KCNQ5: variants seen among roughly 807,000 people sequenced by gnomAD.
KCNQ5 encodes potassium voltage-gated channel subfamily Q member 5.
Under a neutral mutation model 98.2 loss-of-function variants are expected in KCNQ5, and 30 were observed. That is an observed-to-expected ratio of 0.31 (90% CI 0.23 to 0.41). KCNQ5 has a LOEUF of 0.41. KCNQ5 is among the 10% of genes least tolerant of loss of function. The pLI is 1.00. For missense variants in KCNQ5, 835 were observed against 1,182.5 expected (o/e 0.71, Z 4.31); for synonymous variants, 458 against 449.4 (o/e 1.02, Z -0.24).
At chr6:72,852,328 A>T (rs1777295659) in intron 1 of KCNQ5, among the ~76,000 whole-genome samples, 1 of 152,006 alleles carries the variant, frequency 6.6e-6, no homozygotes, top group Non-Finnish European at 1.5e-5. Context: ...TTGCAGCATT[A>T]TTCACAGTAG....
intron 1 of KCNQ5, among the ~76,000 whole-genome samples, chr6:72,831,198 A>G (rs1423319151): frequency 6.6e-6 from 1 of 152,208 alleles, no homozygotes; most frequent in Admixed American, 6.5e-5. Flanking sequence ...ACAACTAGAA[A>G]TACCATTTCA....
intron 6 of KCNQ5, 110 bp from the exon 7 acceptor site, chr6:73,111,198 G>A (rs1161547433): frequency 4.1e-6 from 3 of 729,778 alleles, no homozygotes; most frequent in Admixed American, 4.9e-5. Flanking sequence ...TTATGGACAG[G>A]TTACATACCG....
chr6:72,836,099 G>T (rs576696651), intron 1 of KCNQ5, among the ~76,000 whole-genome samples: 1 of 152,072 alleles, frequency 6.6e-6, no homozygotes, highest in Non-Finnish European at 1.5e-5. Context: ...TGTTATTTTT[G>T]TTTGTTATTT....
At chr6:72,737,436 G>T (rs1770906283) in intron 1 of KCNQ5, among the ~76,000 whole-genome samples, 1 of 152,130 alleles carries the variant, frequency 6.6e-6, no homozygotes, top group Non-Finnish European at 1.5e-5. Context: ...AAAGGATAAA[G>T]GTGTGTGACT....
intron 11 of KCNQ5, among the ~76,000 whole-genome samples, chr6:73,177,048 G>T (rs1207712237): frequency 6.6e-6 from 1 of 152,220 alleles, no homozygotes; most frequent in Non-Finnish European, 1.5e-5. Context: ...AAAACCAGGA[G>T]AGCGTGACAG....
intron 1 of KCNQ5, among the ~76,000 whole-genome samples, chr6:72,999,167 T>C (rs1402227943): frequency 1.3e-5 from 2 of 152,236 alleles, no homozygotes; most frequent in Non-Finnish European, 2.9e-5. Flanking sequence ...TTATCTGTTA[T>C]ACAAGCACCC....
chr6:72,676,142 T>A (rs1022512398), intron 1 of KCNQ5, among the ~76,000 whole-genome samples: 1 of 152,196 alleles, frequency 6.6e-6, no homozygotes, highest in Non-Finnish European at 1.5e-5. Context: ...TGACTTGATC[T>A]ACTGCACATC....
intron 9 of KCNQ5, chr6:73,125,268 A>T: frequency 3.0e-6 from 1 of 331,660 alleles, no homozygotes; most frequent in South Asian, 2.5e-5. Context: ...CAGAGAATTA[A>T]ACCTAGAGGG....
At chr6:73,038,110 T>G (rs1350070880) in intron 2 of KCNQ5, among the ~76,000 whole-genome samples, 1 of 152,060 alleles carries the variant, frequency 6.6e-6, no homozygotes, top group Non-Finnish European at 1.5e-5. Flanking sequence ...AAGTGGATAT[T>G]TAAGTTATTT....
intron 1 of KCNQ5, among the ~76,000 whole-genome samples, chr6:72,797,971 A>C (rs74661065): frequency 2.4e-3 from 370 of 152,292 alleles, no homozygotes; most frequent in African/African-American, 8.7e-3. Context: ...AGGAAAAACA[A>C]ATAAATGTGA....
At chr6:72,882,312 A>C (rs765142612) in intron 1 of KCNQ5, among the ~76,000 whole-genome samples, 1 of 152,152 alleles carries the variant, frequency 6.6e-6, no homozygotes, top group Non-Finnish European at 1.5e-5. Context: ...CTGCTGTACA[A>C]AGAGAGCATC....
chr6:72,915,446 AT>A (rs1225766879), intron 1 of KCNQ5, among the ~76,000 whole-genome samples: 1 of 152,200 alleles, frequency 6.6e-6, no homozygotes, highest in African/African-American at 2.4e-5. Flanking sequence ...TAAAAAAAAA[AT>A]CACAACAAAG....
intron 1 of KCNQ5, among the ~76,000 whole-genome samples, chr6:72,683,779 G>A (rs6940358): frequency 0.013 from 1,925 of 151,340 alleles, 44 homozygotes; most frequent in African/African-American, 0.044. Context: ...AATGCCATTT[G>A]TGTAACTGCT....
chr6:72,645,332 A>G (rs1653144832), intron 1 of KCNQ5, among the ~76,000 whole-genome samples: 1 of 151,416 alleles, frequency 6.6e-6, no homozygotes, highest in Non-Finnish European at 1.5e-5. Flanking sequence ...GCTGCAGTGA[A>G]CAATGATGAT....
intron 1 of KCNQ5, chr6:72,987,247 C>A (rs1323197712): frequency 2.9e-6 from 2 of 690,406 alleles, no homozygotes; most frequent in Non-Finnish European, 5.6e-6. Flanking sequence ...AGTGGGGCAG[C>A]AAGAGACCCT....
intron 1 of KCNQ5, among the ~76,000 whole-genome samples, chr6:72,636,943 T>C (rs1223697019): frequency 6.6e-6 from 1 of 152,196 alleles, no homozygotes; most frequent in Non-Finnish European, 1.5e-5. Flanking sequence ...GATTGCCAGT[T>C]CTCTTGACCC....
chr6:73,051,705 C>CAAAAAAAAAAAAAAA (rs201199934), intron 3 of KCNQ5, among the ~76,000 whole-genome samples: 6 of 97,176 alleles, frequency 6.2e-5, no homozygotes, highest in African/African-American at 2.5e-4. Context: ...AAGATAGAGG[C>CAAAAAAAAAAAAAAA]AAAAAAAAAA....
chr6:72,641,273 G>A (rs1487522011), intron 1 of KCNQ5, among the ~76,000 whole-genome samples: 1 of 152,020 alleles, frequency 6.6e-6, no homozygotes. Context: ...ATGTATAAAT[G>A]TTACATGAGG....
intron 1 of KCNQ5, among the ~76,000 whole-genome samples, chr6:72,706,056 A>G (rs1769062709): frequency 6.6e-6 from 1 of 152,064 alleles, no homozygotes; most frequent in African/African-American, 2.4e-5. Flanking sequence ...TTATTTTGGA[A>G]TTTTGATTAA....
Sources: gnomAD v4.1 joint callset for allele counts (sites outside exome capture counted in the v4.1 genomes callset) on GRCh38, gnomAD v4.1.1 for gene constraint, MANE v1.5 for transcripts, NCBI Gene and HGNC (gene_info 2026-07-23, HGNC 2026-07-21) for gene names.